The following ANKRD30A variants were observed in gnomAD, a reference collection of about 807,000 sequenced individuals.
ANKRD30A encodes the protein ankyrin repeat domain 30A, also known as ankyrin repeat domain-containing protein 30A.
Under a neutral mutation model 166.3 loss-of-function variants are expected in ANKRD30A, and 170 were observed. That is an observed-to-expected ratio of 1.02 (90% CI 0.90 to 1.16). The LOEUF (loss-of-function observed/expected upper bound fraction) is 1.16, where lower values mean the gene tolerates loss of function less well. Among genes scored for constraint, ANKRD30A ranks in the 50% most tolerant of loss-of-function variants. The pLI is 0.00. For missense variants in ANKRD30A, 1,630 were observed against 1,518.0 expected (o/e 1.07, Z -1.23); for synonymous variants, 564 against 508.9 (o/e 1.11, Z -1.46).
At chr10:37,241,340 A>C in the ANKRD30A span, 1 of 150,938 alleles carries the variant, frequency 6.6e-6, no homozygotes, top group East Asian at 1.9e-4. Flanking sequence ...TGGAATGCTT[A>C]CTTGAGCTTT....
At chr10:37,204,817 A>G (rs1841881388) in intron 31 of ANKRD30A, among the ~76,000 whole-genome samples, 1 of 152,242 alleles carries the variant, frequency 6.6e-6, no homozygotes, top group African/African-American at 2.4e-5. Flanking sequence ...TCAAAAGAAG[A>G]TATTTATGCA....
At chr10:37,172,728 T>TGG (rs1839681606) in intron 21 of ANKRD30A, among the ~76,000 whole-genome samples, 1 of 142,860 alleles carries the variant, frequency 7.0e-6, no homozygotes, top group African/African-American at 2.6e-5. Flanking sequence ...CTACCAGAAT[T>TGG]GGGGGAACCA....
chr10:37,245,926 A>C, the ANKRD30A span, among the ~76,000 whole-genome samples: 1 of 152,068 alleles, frequency 6.6e-6, no homozygotes, highest in Admixed American at 6.6e-5. Context: ...AGCCATGTGG[A>C]TTTCCTCAAC....
intron 27 of ANKRD30A, among the ~76,000 whole-genome samples, chr10:37,194,740 A>T (rs540649771): frequency 6.6e-6 from 1 of 152,158 alleles, no homozygotes; most frequent in Non-Finnish European, 1.5e-5. Context: ...ACCCAATACA[A>T]TTAGCTCTGC....
At chr10:37,196,251 T>G (rs924680054) in intron 27 of ANKRD30A, among the ~76,000 whole-genome samples, 2 of 152,096 alleles carry the variant, frequency 1.3e-5, no homozygotes, top group African/African-American at 4.8e-5. Flanking sequence ...GAATGTAGAC[T>G]GTGGGCACTC....
At chr10:37,260,748 C>CTT in the ANKRD30A span, among the ~76,000 whole-genome samples, 1 of 152,144 alleles carries the variant, frequency 6.6e-6, no homozygotes, top group African/African-American at 2.4e-5. Flanking sequence ...ACACAAAAGT[C>CTT]TTTATCTACC....
chr10:37,159,684 AT>A (rs959386361), intron 15 of ANKRD30A, among the ~76,000 whole-genome samples: 1 of 151,306 alleles, frequency 6.6e-6, no homozygotes, highest in African/African-American at 2.4e-5. Context: ...TTTTGTTTGT[AT>A]TTTTTTCTTC....
intron 31 of ANKRD30A, among the ~76,000 whole-genome samples, chr10:37,212,218 A>C (rs1842370028): frequency 6.6e-6 from 1 of 152,070 alleles, no homozygotes; most frequent in South Asian, 2.1e-4. Flanking sequence ...ATTGTTATAC[A>C]CCAATAACAG....
In ANKRD30A at chr10:37,219,857, A is replaced by C; in HGVS notation, c.4145A>C (p.Asn1382Thr). ...TTTAATTACAATAACCATTTAAAAAACCGTATATATCAATATGAAAAAGAG... is the reference window on the plus strand; with the variant it reads ...TTTAATTACAATAACCATTTAAAAACCCGTATATATCAATATGAAAAAGAG... ...EIFNYNNHLK[N>T]RIYQYEKEKA... Residue 1382 changes from asparagine (N) to threonine (T), a missense_variant, in exon 34 of 36, where the codon AAC (asparagine) becomes ACC (threonine). Transcript: ENST00000361713. The C allele has an allele frequency of 6.4e-7, 1 of 1,573,918 alleles. No individual in the cohort carries two copies. The highest frequency in any genetic ancestry group is 8.6e-7 in the Non-Finnish European group (1 of 1,158,560).
chr10:37,249,437 A>G, the ANKRD30A span, among the ~76,000 whole-genome samples: 1 of 151,738 alleles, frequency 6.6e-6, no homozygotes. Context: ...ATGCCTGGAA[A>G]CCTCAGGCAC....
intron 24 of ANKRD30A, among the ~76,000 whole-genome samples, chr10:37,179,444 G>C (rs1588872517): frequency 6.6e-6 from 1 of 151,044 alleles, no homozygotes; most frequent in African/African-American, 2.4e-5. Context: ...GAGATATTGA[G>C]ATGACTAAGC....
chr10:37,141,660 G>C (rs1837131075), intron 6 of ANKRD30A, 58 bp from the exon 7 acceptor site: 2 of 1,590,896 alleles, frequency 1.3e-6, no homozygotes, highest in South Asian at 2.3e-5. Context: ...GCCAGGTGAA[G>C]AGTCAGGAGG....
At chr10:37,217,985 A>G (rs923067037) in intron 33 of ANKRD30A, 107 bp downstream of exon 33, 5 of 739,376 alleles carry the variant, frequency 6.8e-6, no homozygotes, top group African/African-American at 5.6e-5. Context: ...AAATCAAACA[A>G]AAATGTTGTC....
chr10:37,245,515 T>G, the ANKRD30A span, among the ~76,000 whole-genome samples: 3 of 152,148 alleles, frequency 2.0e-5, no homozygotes, highest in Admixed American at 6.5e-5. Context: ...ACAATATATT[T>G]CAATCTCTAT....
chr10:37,199,986 G>T (rs1841489727), intron 30 of ANKRD30A, among the ~76,000 whole-genome samples, 198 bp downstream of exon 30: 1 of 151,996 alleles, frequency 6.6e-6, no homozygotes, highest in African/African-American at 2.4e-5. Context: ...GAATTTGTAG[G>T]ATTAATTTAA....
At chr10:37,155,679 G>T (rs1206328743) in intron 13 of ANKRD30A, among the ~76,000 whole-genome samples, 2 of 152,060 alleles carry the variant, frequency 1.3e-5, no homozygotes, top group African/African-American at 2.4e-5. Flanking sequence ...TATACATATT[G>T]GTATTAACAC....
At chr10:37,146,457 G>A (rs1045618558) in intron 8 of ANKRD30A, among the ~76,000 whole-genome samples, 6 of 150,232 alleles carry the variant, frequency 4.0e-5, no homozygotes, top group African/African-American at 9.8e-5. Flanking sequence ...TTGCGGCAGC[G>A]CTCCTCTGGA....
At chr10:37,165,822 A>G (rs1436882096) in intron 18 of ANKRD30A, among the ~76,000 whole-genome samples, 1 of 152,122 alleles carries the variant, frequency 6.6e-6, no homozygotes, top group Non-Finnish European at 1.5e-5. Context: ...GATGTATTTT[A>G]AGGTCACAAC....
chr10:37,144,100 G>A (rs754739461), intron 7 of ANKRD30A, among the ~76,000 whole-genome samples: 17 of 151,948 alleles, frequency 1.1e-4, no homozygotes, highest in African/African-American at 2.9e-4. Flanking sequence ...AAAAATAACC[G>A]TAGTAATTGG....
Sources: gnomAD v4.1 joint callset for allele counts (sites outside exome capture counted in the v4.1 genomes callset) on GRCh38, gnomAD v4.1.1 for gene constraint, MANE v1.5 for transcripts, NCBI Gene and HGNC (gene_info 2026-07-23, HGNC 2026-07-21) for gene names.